ZNF730: variants seen among roughly 807,000 people sequenced by gnomAD.
ZNF730 encodes the protein putative zinc finger protein 730.
Under a neutral mutation model 12.6 loss-of-function variants are expected in ZNF730, and 12 were observed. That is an observed-to-expected ratio of 0.95 (90% CI 0.61 to 1.54). The LOEUF is 1.54. ZNF730 is among the 40% of genes most tolerant of loss of function. The pLI, the probability that ZNF730 is intolerant of heterozygous loss-of-function variation, is 0.00. For synonymous variants in ZNF730, 194 were observed against 195.8 expected, an observed-to-expected ratio of 0.99 and a Z score of 0.08; for missense variants, 643 against 583.5, an observed-to-expected ratio of 1.10 and a Z score of -1.05.
chr19:23,113,382 A>C (rs1203262988), upstream of ZNF730, among the ~76,000 whole-genome samples: 3 of 152,196 alleles, frequency 2.0e-5, no homozygotes, highest in Non-Finnish European at 2.9e-5. Context: ...TCACCTGTAG[A>C]ATATAAAATT....
chr19:23,118,317 C>G (rs1970557831), intron 1 of ZNF730, among the ~76,000 whole-genome samples: 1 of 151,400 alleles, frequency 6.6e-6, no homozygotes, highest in Admixed American at 6.6e-5. Context: ...TTTGTCTCCC[C>G]TAGGCACAGA....
chr19:23,103,110 G>T (rs554012686), intron 1 of ZNF730, among the ~76,000 whole-genome samples: 5 of 152,172 alleles, frequency 3.3e-5, no homozygotes, highest in Non-Finnish European at 7.3e-5. Context: ...TTGAAATTGT[G>T]ACTGTCATAT....
At chr19:23,111,340 C>T (rs971769365) in intron 1 of ZNF730, among the ~76,000 whole-genome samples, 7 of 152,140 alleles carry the variant, frequency 4.6e-5, no homozygotes, top group Admixed American at 1.3e-4. Context: ...AAAGTTTTCT[C>T]ATGCAAGAGG....
chr19:23,116,572 A>AC (rs1555714484), upstream of ZNF730, among the ~76,000 whole-genome samples: 1 of 69,324 alleles, frequency 1.4e-5, no homozygotes, highest in Non-Finnish European at 2.9e-5. Flanking sequence ...ACTCCCAGCT[A>AC]CTTTTTTTTT....
At chr19:23,115,562 T>C (rs1182583096), upstream of ZNF730, among the ~76,000 whole-genome samples, 1 of 152,210 alleles carries the variant, frequency 6.6e-6, no homozygotes, top group Non-Finnish European at 1.5e-5. Flanking sequence ...TCTTGAATGC[T>C]TCTGCTTTTC....
At chr19:23,141,356 C>T (rs1446698610) in intron 3 of ZNF730, among the ~76,000 whole-genome samples, 2 of 151,464 alleles carry the variant, frequency 1.3e-5, no homozygotes, top group African/African-American at 4.9e-5. Context: ...GATCACGCCA[C>T]TGCACTCCAA....
In ZNF730 at chr19:23,136,045, T is replaced by C; in HGVS notation, c.226+2T>C. ...ATGATATGGTAGCCAAACCCCCAGG[T>C]AGGTGACAGTAAATACAATACACAA... On this transcript the variant is annotated splice_donor_variant, in intron 3 of 3. Coordinates refer to ENST00000597761, the MANE Select transcript of ZNF730 (RefSeq NM_001277403.2). LOFTEE classifies it high-confidence loss of function. The C allele has an allele frequency of 1.3e-6, 2 of 1,590,056 alleles. No homozygotes were observed. Among genetic ancestry groups the C allele is most frequent in the Admixed American group, 1.8e-5 (1 of 56,788 alleles).
chr19:23,120,810 A>G (rs574979515), intron 1 of ZNF730, among the ~76,000 whole-genome samples: 6 of 152,178 alleles, frequency 3.9e-5, no homozygotes, highest in Middle Eastern at 3.4e-3. Context: ...ACCTCTTTCT[A>G]ACTTTCTGAT....
At chr19:23,076,056 C>T (rs928093055) in intron 1 of ZNF730, among the ~76,000 whole-genome samples, 1 of 114,536 alleles carries the variant, frequency 8.7e-6, no homozygotes, top group African/African-American at 5.7e-5. Context: ...GCAAGCAGGG[C>T]TCTAATCCAC....
At chr19:23,100,992 ACT>A (rs1197603723) in intron 1 of ZNF730, among the ~76,000 whole-genome samples, 1 of 151,868 alleles carries the variant, frequency 6.6e-6, no homozygotes, top group Non-Finnish European at 1.5e-5. Context: ...AAAGGTGAGG[ACT>A]CTCCTATCTG....
intron 1 of ZNF730, chr19:23,123,384 A>G (rs1248306589): frequency 2.6e-5 from 4 of 152,352 alleles, no homozygotes; most frequent in Non-Finnish European, 5.9e-5. Flanking sequence ...CCTGGCTAAC[A>G]TGGTGAAACC....
chr19:23,131,280 A>C (rs1453194016), intron 1 of ZNF730, among the ~76,000 whole-genome samples: 1 of 152,208 alleles, frequency 6.6e-6, no homozygotes, highest in Admixed American at 6.5e-5. Context: ...AACAGAAAAA[A>C]ATATGGATCA....
rs1970814475 is a variant in ZNF730, at chr19:23,135,390, T to C, written c.131-558T>C. ...TAATTTTAGAAATTTAGTTGCAACA[T>C]ATTGTTGCTCACATCTTAAAATTTA... On this transcript the variant is annotated intron_variant, in intron 2 of 3. Transcript: ENST00000597761. 2.0e-5 allele frequency among the ~76,000 whole-genome samples: 3 copies of C among 151,830 alleles called. No homozygotes were observed. In the South Asian group the frequency reaches 6.2e-4, roughly 31 times the overall value.
chr19:23,139,978 G>C (rs779923923), intron 3 of ZNF730, among the ~76,000 whole-genome samples: 3 of 152,054 alleles, frequency 2.0e-5, no homozygotes, highest in Non-Finnish European at 4.4e-5. Flanking sequence ...TACAGTTTTA[G>C]GCGGTTTGCA....
chr19:23,116,829 C>G (rs1970532949), upstream of ZNF730: 2 of 450,772 alleles, frequency 4.4e-6, no homozygotes, highest in Non-Finnish European at 8.0e-6. Context: ...TGTCTCAGTT[C>G]AGGGAGGAAG....
chr19:23,078,624 C>T (rs577676897), intron 1 of ZNF730, among the ~76,000 whole-genome samples: 5 of 152,212 alleles, frequency 3.3e-5, no homozygotes, highest in East Asian at 1.9e-4. Context: ...GGTGCTGGCA[C>T]GGGTCCTCCA....
chr19:23,110,251 A>G (rs1235458948), intron 1 of ZNF730, among the ~76,000 whole-genome samples: 16 of 129,366 alleles, frequency 1.2e-4, no homozygotes, highest in Middle Eastern at 6.2e-3. Context: ...GATTACAGGC[A>G]TGAGCCACCG....
intron 1 of ZNF730, chr19:23,123,143 A>G (rs112663657): frequency 6.6e-6 from 1 of 152,334 alleles, no homozygotes; most frequent in African/African-American, 2.4e-5. Context: ...TTGCAAGCTC[A>G]AATATATTCC....
intron 3 of ZNF730, among the ~76,000 whole-genome samples, chr19:23,144,420 G>T (rs1005612956): frequency 1.2e-4 from 19 of 152,092 alleles, no homozygotes; most frequent in African/African-American, 2.4e-5. Flanking sequence ...AAATCAGTAG[G>T]CCAGTTGTGG....
Sources: gnomAD v4.1 joint callset for allele counts (sites outside exome capture counted in the v4.1 genomes callset) on GRCh38, gnomAD v4.1.1 for gene constraint, MANE v1.5 for transcripts, NCBI Gene and HGNC (gene_info 2026-07-23, HGNC 2026-07-21) for gene names.